EEF1AKMT2: variants seen among roughly 807,000 people sequenced by gnomAD.
The protein encoded by EEF1AKMT2 is EEF1A lysine methyltransferase 2.
A neutral mutation model predicts 35.8 loss-of-function variants in EEF1AKMT2; 32 were observed. That is an observed-to-expected ratio of 0.89 (90% CI 0.67 to 1.20). The LOEUF is 1.20. Among genes scored for constraint, EEF1AKMT2 ranks in the 50% most tolerant of loss-of-function variants. The pLI, the probability that EEF1AKMT2 is intolerant of heterozygous loss-of-function variation, is 0.00. For missense variants in EEF1AKMT2, 330 were observed against 347.5 expected, an observed-to-expected ratio of 0.95 and a Z score of 0.40; for synonymous variants, 121 against 133.7, an observed-to-expected ratio of 0.91 and a Z score of 0.65.
At chr10:124,763,556 G>T (rs1034230117) in intron 5 of EEF1AKMT2, among the ~76,000 whole-genome samples, 7 of 152,034 alleles carry the variant, frequency 4.6e-5, no homozygotes, top group African/African-American at 1.4e-4. Flanking sequence ...GTTTTCAATT[G>T]TATATAATTA....
At position 124,758,884 on chromosome 10, in the gene EEF1AKMT2, G is replaced by A. The variant is rs1950307642; in HGVS notation, c.*1619C>T. On this transcript the variant is annotated 3_prime_UTR_variant, in exon 7 of 7. Coordinates refer to ENST00000368836, the MANE Select transcript of EEF1AKMT2 (RefSeq NM_212554.4). ...TGAAGTAATTTCTCACTTTTTACAT[G>A]TTGAAAATAAAAGCTTTTCAAAAAA... is the stretch of plus-strand genomic sequence containing the variant. The A allele has an allele frequency of 6.6e-6, 1 of 152,092 alleles. No individual in the cohort carries two copies. Among genetic ancestry groups the A allele is most frequent in the African/African-American group, 2.4e-5 (1 of 41,428 alleles). The allele number at this position is 152,092 out of a possible 1,614,324, so 9.4% of individuals were successfully genotyped here. A position where few individuals can be genotyped will look rare whatever the true frequency, so the allele number is the denominator to read the frequency against.
At chr10:124,785,936 C>A (rs1202165788) in intron 3 of EEF1AKMT2, among the ~76,000 whole-genome samples, 5 of 134,388 alleles carry the variant, frequency 3.7e-5, no homozygotes, top group South Asian at 2.7e-4. Context: ...AAGTGGCAAA[C>A]AAGCACCTGA....
At chr10:124,768,293 C>T (rs1245692607) in intron 4 of EEF1AKMT2, among the ~76,000 whole-genome samples, 1 of 152,076 alleles carries the variant, frequency 6.6e-6, no homozygotes, top group Non-Finnish European at 1.5e-5. Context: ...AGCAAGGAAG[C>T]GACATGAACA....
chr10:124,769,218 C>CACAAAAAAAAAAAA (rs754443902), intron 4 of EEF1AKMT2, among the ~76,000 whole-genome samples: 5,410 of 31,250 alleles, frequency 0.17, 2,461 homozygotes, highest in South Asian at 0.27. Context: ...ACACTGTCTC[C>CACAAAAAAAAAAAA]AAAAAAAAAA....
intron 6 of EEF1AKMT2, among the ~76,000 whole-genome samples, chr10:124,761,768 CAAA>C (rs1242355057): frequency 6.6e-6 from 1 of 152,004 alleles, no homozygotes; most frequent in Non-Finnish European, 1.5e-5. Flanking sequence ...TAAAAAAATA[CAAA>C]AATAAGCCGT....
rs1950299767 is a variant in EEF1AKMT2 at position 124,758,002 on chromosome 10, C to A, written c.*2501G>T. 1 of 152,238 alleles carries A rather than the reference C, an allele frequency of 6.6e-6. No homozygotes were observed. Among genetic ancestry groups the A allele is most frequent in the Non-Finnish European group, 1.5e-5 (1 of 68,030 alleles). The allele number at this position is 152,238 out of a possible 1,614,324, so 9.4% of individuals were successfully genotyped here. The stretch of plus-strand genomic sequence containing the variant: ...TGGGATAACCCACCCATTCAGGCCT[C>A]AATTCCCTTTGGACTTGCACACGCA... On this transcript the variant is annotated 3_prime_UTR_variant, in exon 7 of 7. Transcript: ENST00000368836.
chr10:124,766,528 T>C (rs1272103745), intron 4 of EEF1AKMT2, among the ~76,000 whole-genome samples: 1 of 152,220 alleles, frequency 6.6e-6, no homozygotes, highest in African/African-American at 2.4e-5. Context: ...AATTTACCAA[T>C]GAAAATTCTG....
At chr10:124,770,632 T>C (rs1950424703) in intron 4 of EEF1AKMT2, among the ~76,000 whole-genome samples, 1 of 152,220 alleles carries the variant, frequency 6.6e-6, no homozygotes, top group Admixed American at 6.5e-5. Context: ...CTTCCTTTTA[T>C]GAAAAATTTC....
In EEF1AKMT2 at chr10:124,786,673, C is replaced by T. The variant is rs372806615; in HGVS notation, c.291+2370G>A. ...ACTACAAATACAAAAATTAACCAGG[C>T]ATGGTGTACGCCTGTAATCCTAGCT... On this transcript the variant is annotated intron_variant, in intron 3 of 6. Coordinates refer to ENST00000368836, the MANE Select transcript of EEF1AKMT2 (RefSeq NM_212554.4). 1.0e-4 allele frequency among the ~76,000 whole-genome samples: 15 copies of T among 147,898 alleles called. 1 individual carries two copies. In the South Asian group the frequency reaches 3.3e-3, roughly 32 times the overall value.
chr10:124,769,682 C>T (rs1950411627), intron 4 of EEF1AKMT2, among the ~76,000 whole-genome samples: 1 of 152,116 alleles, frequency 6.6e-6, no homozygotes, highest in Non-Finnish European at 1.5e-5. Flanking sequence ...CATGGTGGCT[C>T]GCACCTGTAA....
chr10:124,785,345 A>C (rs1259654055), intron 3 of EEF1AKMT2, among the ~76,000 whole-genome samples: 1 of 151,934 alleles, frequency 6.6e-6, no homozygotes, highest in Admixed American at 6.6e-5. Flanking sequence ...TGTTAGGCAG[A>C]GTCCTTTAAT....
At position 124,765,429 on chromosome 10, in the gene EEF1AKMT2, A is replaced by G; in HGVS notation, c.579T>C (p.Asn193=). Residue 193 remains asparagine, a synonymous_variant, in exon 5 of 7, where the codon AAT becomes AAC. Coordinates refer to ENST00000368836, the MANE Select transcript of EEF1AKMT2 (RefSeq NM_212554.4). ...VKGFFLITSC[N]WTKEELLNEF... ...CATTTAGCAACTCTTCCTTGGTCCA[A>G]TTACATGACGTTATTAGAAAAAAGC... 2 of 1,613,974 alleles carry G rather than the reference A, an allele frequency of 1.2e-6. No homozygotes were observed. Among genetic ancestry groups the G allele is most frequent in the Non-Finnish European group, 1.7e-6 (2 of 1,179,948 alleles).
chr10:124,789,128 A>AT lies in EEF1AKMT2; in HGVS notation c.205dup (p.Ile69AsnfsTer17). Reference sequence around the variant, plus strand: ...AATCTTGTGTTTCTGCATCCACCTTATTAGTCGATTCATACTCTCTTCTCC... The same window carrying AT: ...AATCTTGTGTTTCTGCATCCACCTTATTTAGTCGATTCATACTCTCTTCTCC... On this transcript the variant is annotated frameshift_variant, in exon 3 of 7. Transcript: ENST00000368836. LOFTEE classifies it high-confidence loss of function. 1 of 1,613,384 alleles carries AT rather than the reference A, an allele frequency of 6.2e-7. No homozygotes were observed. Among genetic ancestry groups the AT allele is most frequent in the Non-Finnish European group, 8.5e-7 (1 of 1,179,608 alleles).
At position 124,762,492 on chromosome 10, in the gene EEF1AKMT2, G is replaced by T; in HGVS notation, c.683C>A (p.Ser228Tyr). 1 of 1,291,368 alleles carries T rather than the reference G, an allele frequency of 7.7e-7. No individual in the cohort carries two copies. The highest frequency in any genetic ancestry group is 1.0e-6 in the Non-Finnish European group (1 of 980,262). 80.0% of individuals were successfully genotyped at this position (1,291,368 alleles called of 1,614,324 possible). The change falls in exon 6 of 7, where the codon TCC becomes TAC. Residue 228 changes from serine (S) to tyrosine (Y), a missense_variant. Coordinates refer to ENST00000368836, the MANE Select transcript of EEF1AKMT2 (RefSeq NM_212554.4). ...ALTSWAQAIF[S>Y]TSASRVGGTT... ...TCCACCTACTCGGGAGGCTGAAGTG[G>T]AAAAGATCGCTTGAGCCCAGGAAGT...
At chr10:124,763,057 C>T (rs1454514343) in intron 5 of EEF1AKMT2, among the ~76,000 whole-genome samples, 2 of 152,036 alleles carry the variant, frequency 1.3e-5, no homozygotes, top group Non-Finnish European at 2.9e-5. Flanking sequence ...TATGTGTTGA[C>T]GTTATTGATA....
At chr10:124,762,254 T>C (rs1179541809) in intron 6 of EEF1AKMT2, 46 bp downstream of exon 6, 3 of 1,054,614 alleles carry the variant, frequency 2.8e-6, no homozygotes, top group South Asian at 5.7e-5. Context: ...TAAAATGTTA[T>C]ATTATTTTGC....
intron 3 of EEF1AKMT2, among the ~76,000 whole-genome samples, chr10:124,781,313 T>C (rs1180841413): frequency 6.6e-6 from 1 of 151,630 alleles, no homozygotes; most frequent in Non-Finnish European, 1.5e-5. Context: ...CTGCGGTGGC[T>C]CACGCCTGTT....
intron 3 of EEF1AKMT2, among the ~76,000 whole-genome samples, chr10:124,777,895 T>C (rs1950501432): frequency 6.6e-6 from 1 of 152,144 alleles, no homozygotes; most frequent in African/African-American, 2.4e-5. Context: ...GGACCACCAT[T>C]GTATATGTGG....
At chr10:124,791,581 G>GC (rs1430611554) in intron 1 of EEF1AKMT2, 143 bp downstream of exon 1, 8 of 1,216,740 alleles carry the variant, frequency 6.6e-6, no homozygotes, top group Non-Finnish European at 9.1e-6. Flanking sequence ...ATCCCCGTAA[G>GC]CCCCCCGCCA....
Sources: gnomAD v4.1 joint callset for allele counts (sites outside exome capture counted in the v4.1 genomes callset) on GRCh38, gnomAD v4.1.1 for gene constraint, MANE v1.5 for transcripts, NCBI Gene and HGNC (gene_info 2026-07-23, HGNC 2026-07-21) for gene names.